ADAM12: variants seen among roughly 807,000 people sequenced by gnomAD.
ADAM12 encodes the protein disintegrin and metalloproteinase domain-containing protein 12.
Under a neutral mutation model 106.4 loss-of-function variants are expected in ADAM12, and 70 were observed. The ratio of observed to expected loss-of-function variants is 0.66; its 90% CI spans 0.54 to 0.80. ADAM12 has a LOEUF of 0.80. Among genes scored for constraint, ADAM12 ranks in the 30% least tolerant of loss-of-function variants. The probability of loss-of-function intolerance (pLI) is 0.00; values close to 1 mark genes in which losing one functional copy is unlikely to be tolerated. For synonymous variants in ADAM12, 420 were observed against 433.5 expected (o/e 0.97, Z 0.39); for missense variants, 1,010 against 1,171.9 (o/e 0.86, Z 2.02).
chr10:126,332,278 G>A (rs557322309), intron 1 of ADAM12, among the ~76,000 whole-genome samples: 7 of 152,280 alleles, frequency 4.6e-5, no homozygotes, highest in Admixed American at 1.3e-4. Flanking sequence ...AGCTCCCTCC[G>A]TCTATACTGC....
At chr10:126,315,882 T>A (rs907162434) in intron 2 of ADAM12, among the ~76,000 whole-genome samples, 1 of 152,244 alleles carries the variant, frequency 6.6e-6, no homozygotes, top group Non-Finnish European at 1.5e-5. Flanking sequence ...GCAGCTAGTG[T>A]CTGGCTGACC....
intron 2 of ADAM12, among the ~76,000 whole-genome samples, chr10:126,319,790 AC>A (rs1260799390): frequency 6.6e-6 from 1 of 152,206 alleles, no homozygotes; most frequent in Non-Finnish European, 1.5e-5. Flanking sequence ...TGAGAACCAT[AC>A]TATCTTTGCA....
At chr10:126,296,404 G>A (rs917076437) in intron 2 of ADAM12, among the ~76,000 whole-genome samples, 2 of 152,144 alleles carry the variant, frequency 1.3e-5, no homozygotes, top group Admixed American at 1.3e-4. Flanking sequence ...CAAAGCACTA[G>A]GATTACAGGT....
In ADAM12 at chr10:126,014,413, A is replaced by G. The variant is rs1253693681; in HGVS notation, c.*2866T>C. On this transcript the variant is annotated 3_prime_UTR_variant, in exon 23 of 23. Transcript: ENST00000448723. ...GCCTGAGAATTCTCATAAAGTTAAGAAGGCATAAAAATGCCCCCCCCCCGA... is the reference window on the plus strand; with the variant it reads ...GCCTGAGAATTCTCATAAAGTTAAGGAGGCATAAAAATGCCCCCCCCCCGA... 2 of 66,450 alleles carry G rather than the reference A, an allele frequency of 3.0e-5. No individual in the cohort carries two copies. The highest frequency in any genetic ancestry group is 6.2e-5 in the African/African-American group (1 of 16,106). The allele number at this position is 66,450 out of a possible 1,614,324, so 4.1% of individuals were successfully genotyped here.
chr10:126,282,707 C>A (rs1313617932), intron 2 of ADAM12, among the ~76,000 whole-genome samples: 1 of 152,126 alleles, frequency 6.6e-6, no homozygotes, highest in Non-Finnish European at 1.5e-5. Flanking sequence ...TAAGTCCTTT[C>A]TCCTACAGGT....
chr10:126,084,566 G>A (rs951140599), intron 11 of ADAM12, among the ~76,000 whole-genome samples: 1 of 152,168 alleles, frequency 6.6e-6, no homozygotes, highest in South Asian at 2.1e-4. Context: ...TCTTTCTGCT[G>A]ACTTAGCAAG....
intron 5 of ADAM12, among the ~76,000 whole-genome samples, chr10:126,121,133 ATATAC>A (rs377162648): frequency 1.5e-4 from 6 of 41,338 alleles, no homozygotes; most frequent in African/African-American, 1.1e-3. Flanking sequence ...TATATATACT[ATATAC>A]TATATATACT....
At chr10:126,360,067 G>C (rs1286930275) in intron 1 of ADAM12, among the ~76,000 whole-genome samples, 1 of 152,190 alleles carries the variant, frequency 6.6e-6, no homozygotes, top group African/African-American at 2.4e-5. Context: ...CTGCACATTG[G>C]CACCTTTTAG....
intron 10 of ADAM12, among the ~76,000 whole-genome samples, chr10:126,095,104 A>G (rs914097874): frequency 2.0e-5 from 3 of 152,210 alleles, no homozygotes; most frequent in South Asian, 2.1e-4. Context: ...GCTTTGTGCT[A>G]CTTAGGAAAG....
chr10:126,237,086 C>T (rs941364898), intron 3 of ADAM12, among the ~76,000 whole-genome samples: 3 of 152,204 alleles, frequency 2.0e-5, no homozygotes, highest in Admixed American at 6.5e-5. Context: ...TCCCCAGATG[C>T]GTCTACGTTA....
Position 126,043,132 on chromosome 10 carries a change from T to C in ADAM12, c.2012A>G (p.Lys671Arg), listed in dbSNP as rs556376757. Residue 671 changes from lysine (K) to arginine (R), a missense_variant, in exon 18 of 23, where the codon AAG (lysine) becomes AGG (arginine). Physicochemically the swap from Lys to Arg is conservative, Grantham distance 26. Around this residue, in one of 3 missense-constraint regions of ADAM12, gnomAD observed 615 missense variants for 708.5 expected, o/e 0.87. Transcript: ENST00000448723. This position sits in a 1 kb window ranked among gnomAD's most constrained non-coding sequence, Gnocchi z 4.1. ...CCAGTGGGCCTCGCAGTGGCAGTTC[T>C]TCCTGTTGTTGCACACCTTTCAGGG... ...CHGRGVCNNR[K>R]NCHCEAHWAP... The C allele has an allele frequency of 3.1e-6, 5 of 1,614,150 alleles. No homozygotes were observed. The highest frequency in any genetic ancestry group is 2.7e-5 in the African/African-American group (2 of 75,068).
intron 1 of ADAM12, among the ~76,000 whole-genome samples, chr10:126,369,119 T>C (rs1856019122): frequency 6.6e-6 from 1 of 152,202 alleles, no homozygotes. Flanking sequence ...GGATACATGG[T>C]ATTTTTTTTC....
At chr10:126,087,478 C>T (rs75731854) in intron 11 of ADAM12, among the ~76,000 whole-genome samples, 15,531 of 152,068 alleles carry the variant, frequency 0.1, 1,092 homozygotes, top group African/African-American at 0.19. Flanking sequence ...GTAGCTGTTC[C>T]TCCTTTTTTC....
chr10:126,151,756 T>C (rs1041288311), intron 4 of ADAM12, among the ~76,000 whole-genome samples: 2 of 151,928 alleles, frequency 1.3e-5, no homozygotes, highest in Non-Finnish European at 2.9e-5. Flanking sequence ...TATCTTTATA[T>C]AGTTATATTT....
At chr10:126,385,149 T>C (rs1222536975) in intron 1 of ADAM12, among the ~76,000 whole-genome samples, 1 of 152,208 alleles carries the variant, frequency 6.6e-6, no homozygotes, top group Non-Finnish European at 1.5e-5. Flanking sequence ...GCAGAGAATG[T>C]GGAAAGGGAT....
At chr10:126,090,663 C>G (rs1236736718) in intron 11 of ADAM12, 1 of 152,192 alleles carries the variant, frequency 6.6e-6, no homozygotes, top group Non-Finnish European at 1.5e-5. Flanking sequence ...ATTAATGATA[C>G]AATCCATAAG....
intron 4 of ADAM12, among the ~76,000 whole-genome samples, chr10:126,154,205 C>T (rs113624405): frequency 5.2e-4 from 79 of 152,342 alleles, no homozygotes; most frequent in South Asian, 4.3e-3. Context: ...ACTCACCAGC[C>T]AGTGCTCAGG....
At chr10:126,183,302 C>T (rs1160106755) in intron 3 of ADAM12, among the ~76,000 whole-genome samples, 1 of 152,136 alleles carries the variant, frequency 6.6e-6, no homozygotes, top group Non-Finnish European at 1.5e-5. Context: ...CTTGAATCAT[C>T]CCCAAACCAC....
Position 126,014,080 on chromosome 10 carries a change from G to A in ADAM12, c.*3199C>T, listed in dbSNP as rs1262036164. ...TTTTGAAATGAGTAGTACATCTCAC[G>A]AAGAAAGTCTGCAAGAGGTCGAGGT... On this transcript the variant is annotated 3_prime_UTR_variant, in exon 23 of 23. Coordinates refer to ENST00000448723, the MANE Select transcript of ADAM12 (RefSeq NM_001288973.2). 1.3e-5 allele frequency: 2 copies of A among 152,270 alleles called. No individual in the cohort carries two copies. The highest frequency in any genetic ancestry group is 6.5e-5 in the Admixed American group (1 of 15,278). The allele number at this position is 152,270 out of a possible 1,614,324, so 9.4% of individuals were successfully genotyped here.
Sources: gnomAD v4.1 joint callset for allele counts (sites outside exome capture counted in the v4.1 genomes callset) on GRCh38, gnomAD v4.1.1 for gene constraint, gnomAD v4.1.1 regional missense constraint, Gnocchi (gnomAD v3.1) non-coding constraint, MANE v1.5 for transcripts, NCBI Gene and HGNC (gene_info 2026-07-23, HGNC 2026-07-21) for gene names.